The following LGALS2 variants were observed in gnomAD, a reference collection of about 807,000 sequenced individuals.
LGALS2 encodes the protein galectin-2.
LGALS2 carries 7 observed loss-of-function variants against 10.1 expected under a neutral mutation model. That is an observed-to-expected ratio of 0.70 (90% CI 0.40 to 1.31). The LOEUF (loss-of-function observed/expected upper bound fraction) is 1.31. Ranked by LOEUF, LGALS2 falls within the 50% of genes most tolerant of loss-of-function variation. The probability of loss-of-function intolerance (pLI) is 0.01; values close to 1 mark genes in which losing one functional copy is unlikely to be tolerated. For missense variants in LGALS2, 167 were observed against 163.6 expected (o/e 1.02, Z -0.11); for synonymous variants, 86 against 64.2 (o/e 1.34, Z -1.63).
Position 37,579,931 on chromosome 22 carries a change from C to T in LGALS2, c.-26G>A, listed in dbSNP as rs1925800344. The T allele has an allele frequency of 1.2e-6, 2 of 1,611,506 alleles. No individual in the cohort carries two copies. The highest frequency in any genetic ancestry group is 4.5e-5 in the East Asian group (2 of 44,858). ...GGTGACAGCTCCTGGCGGCAGCTCC[C>T]AGCGGCTCCTGGAGGCCTGTGCTCA... is the stretch of plus-strand genomic sequence containing the variant. On this transcript the variant is annotated 5_prime_UTR_variant, in exon 1 of 4. Coordinates refer to ENST00000215886, the MANE Select transcript of LGALS2 (RefSeq NM_006498.3).
chr22:37,570,416 TGG>T lies in LGALS2; in HGVS notation c.250-6_250-5del, dbSNP rs748545772. ...CACTCTCAAAGGTCACTGTGAACTG[TGG>T]GGAGGGAGGGTGTCAAGGAGGCAGG... is the stretch of plus-strand genomic sequence containing the variant. On this transcript the variant is annotated splice_polypyrimidine_tract_variant and splice_region_variant and intron_variant, in intron 3 of 3. Coordinates refer to ENST00000215886, the MANE Select transcript of LGALS2 (RefSeq NM_006498.3). 3 of 1,612,314 alleles carry T rather than the reference TGG, an allele frequency of 1.9e-6. No individual in the cohort carries two copies. Among genetic ancestry groups the T allele is most frequent in the Non-Finnish European group, 2.5e-6 (3 of 1,178,944 alleles).
intron 1 of LGALS2, among the ~76,000 whole-genome samples, chr22:37,572,971 C>T (rs933451910): frequency 7.1e-6 from 1 of 140,156 alleles, no homozygotes; most frequent in Non-Finnish European, 1.5e-5. Context: ...CTTTTCATCT[C>T]AAAGAAAAAC....
At chr22:37,577,232 G>T (rs1400707645) in intron 1 of LGALS2, among the ~76,000 whole-genome samples, 2 of 152,112 alleles carry the variant, frequency 1.3e-5, no homozygotes, top group Non-Finnish European at 2.9e-5. Flanking sequence ...AGAGGCAGAG[G>T]GTGATGAGGG....
At chr22:37,578,054 G>A (rs535746421) in intron 1 of LGALS2, among the ~76,000 whole-genome samples, 1 of 152,340 alleles carries the variant, frequency 6.6e-6, no homozygotes, top group Admixed American at 6.5e-5. Flanking sequence ...TGCAGCCCTA[G>A]GCAATGAATA....
At chr22:37,572,861 C>T (rs959719000) in intron 1 of LGALS2, among the ~76,000 whole-genome samples, 3 of 151,360 alleles carry the variant, frequency 2.0e-5, no homozygotes, top group Non-Finnish European at 4.4e-5. Context: ...ATCCCAGCTA[C>T]TTGGGAGGCT....
chr22:37,578,585 G>T lies in LGALS2; in HGVS notation c.6+1315C>A, dbSNP rs138390027. 968 of 152,332 alleles carry T rather than the reference G, an allele frequency of 6.4e-3. 3 individuals are homozygous for T. Among genetic ancestry groups the T allele is most frequent in the South Asian group, 0.018 (88 of 4,826 alleles). The allele number at this position is 152,332 out of a possible 1,614,324, so 9.4% of individuals were successfully genotyped here. On this transcript the variant is annotated intron_variant, in intron 1 of 3. Transcript: ENST00000215886. ...AATCTCAGCACTTCGAGAGGCCAAG[G>T]CAGGAGGATCCCTTGAACCCAGGAG... is the stretch of plus-strand genomic sequence containing the variant.
rs372875810 is a variant in LGALS2 at position 37,571,839 on chromosome 22, C to T, written c.89+10G>A. 4.2e-4 allele frequency: 671 copies of T among 1,612,698 alleles called. No homozygotes were observed. Among genetic ancestry groups the T allele is most frequent in the Non-Finnish European group, 5.2e-4 (613 of 1,178,794 alleles). ...CCTGCAGACTCCCCCAACCCTGAAA[C>T]CTTGCTCACCCATCAGTGCCATCGG... On this transcript the variant is annotated intron_variant, in intron 2 of 3. Transcript: ENST00000215886.
intron 1 of LGALS2, among the ~76,000 whole-genome samples, chr22:37,577,421 C>T (rs1925719377): frequency 6.6e-6 from 1 of 150,766 alleles, no homozygotes; most frequent in Admixed American, 6.7e-5. Context: ...TCGATCTCGG[C>T]TCACTGCAAC....
At chr22:37,577,522 TTTTC>T (rs1311775048) in intron 1 of LGALS2, among the ~76,000 whole-genome samples, 3 of 120,628 alleles carry the variant, frequency 2.5e-5, no homozygotes, top group East Asian at 2.1e-4. Context: ...TCTAATTTTT[TTTTC>T]TTCTTCTTCT....
intron 2 of LGALS2, 22 bp from the exon 3 acceptor site, chr22:37,570,757 G>A (rs368267116): frequency 1.3e-4 from 205 of 1,613,892 alleles, no homozygotes; most frequent in Admixed American, 5.0e-4. Flanking sequence ...GGGGTAGCAG[G>A]TGAGGTTCAG....
At chr22:37,572,550 G>A (rs1482296719) in intron 1 of LGALS2, among the ~76,000 whole-genome samples, 1 of 151,516 alleles carries the variant, frequency 6.6e-6, no homozygotes, top group African/African-American at 2.4e-5. Context: ...GGCGGATCAC[G>A]AGGTCAGGAG....
At chr22:37,571,963 C>A in intron 1 of LGALS2, 32 bp from the exon 2 acceptor site, 3 of 1,571,924 alleles carry the variant, frequency 1.9e-6, no homozygotes, top group South Asian at 1.1e-5. Flanking sequence ...CCACTCGAGT[C>A]CCCACAGAAA....
At chr22:37,571,589 G>T (rs1193453478) in intron 2 of LGALS2, among the ~76,000 whole-genome samples, 2 of 152,208 alleles carry the variant, frequency 1.3e-5, no homozygotes, top group African/African-American at 2.4e-5. Context: ...AGTTCCAGGG[G>T]CTTCTCCACC....
intron 1 of LGALS2, among the ~76,000 whole-genome samples, chr22:37,575,147 A>G (rs1925633472): frequency 6.6e-6 from 1 of 151,538 alleles, no homozygotes; most frequent in South Asian, 2.1e-4. Flanking sequence ...GGGCCTCCCA[A>G]AGTTCTGGGA....
intron 1 of LGALS2, among the ~76,000 whole-genome samples, chr22:37,577,871 G>A (rs1234349906): frequency 6.6e-6 from 1 of 152,150 alleles, no homozygotes; most frequent in East Asian, 1.9e-4. Flanking sequence ...TGCAAGCCAA[G>A]GAATGCGAGG....
chr22:37,576,219 G>A lies in LGALS2; in HGVS notation c.6+3681C>T, dbSNP rs575438738. ...TGTAATCCCAGCACTTTGGGAGGCC[G>A]AGGGGGGCGGATCACGAGGTCAGGA... On this transcript the variant is annotated intron_variant, in intron 1 of 3. Coordinates refer to ENST00000215886, the MANE Select transcript of LGALS2 (RefSeq NM_006498.3). 2.0e-5 allele frequency among the ~76,000 whole-genome samples: 3 copies of A among 152,152 alleles called. 1 individual carries two copies. The highest frequency in any genetic ancestry group is 3.9e-4 in the East Asian group (2 of 5,140).
At chr22:37,579,308 G>A (rs1925780647) in intron 1 of LGALS2, among the ~76,000 whole-genome samples, 1 of 150,422 alleles carries the variant, frequency 6.6e-6, no homozygotes, top group African/African-American at 2.4e-5. Flanking sequence ...GTGGTAGTGA[G>A]TGCCTGGGGT....
At chr22:37,576,384 G>T (rs189811520) in intron 1 of LGALS2, among the ~76,000 whole-genome samples, 1 of 151,122 alleles carries the variant, frequency 6.6e-6, no homozygotes, top group Non-Finnish European at 1.5e-5. Context: ...CCCGGGAGGC[G>T]GTGCTTGCAG....
chr22:37,572,049 G>A (rs1034003201), intron 1 of LGALS2, 118 bp from the exon 2 acceptor site: 38 of 806,142 alleles, frequency 4.7e-5, no homozygotes, highest in Admixed American at 3.1e-4. Context: ...CCCTGCCCAC[G>A]TGAGGACGCA....
Sources: allele counts gnomAD v4.1 joint callset (sites outside exome capture counted in the v4.1 genomes callset), GRCh38; gene constraint gnomAD v4.1.1; transcripts MANE v1.5; gene names NCBI Gene and HGNC (gene_info 2026-07-23, HGNC 2026-07-21).